Variants in ARHGEF17 observed in about 807,000 individuals in gnomAD.
ARHGEF17 encodes the protein 164 kDa Rho-specific guanine-nucleotide exchange factor.
In ARHGEF17, 80 loss-of-function variants were observed where a neutral mutation model predicts 174.0. That is an observed-to-expected ratio of 0.46 (90% CI 0.38 to 0.55). ARHGEF17 has a LOEUF of 0.55. Ranked by LOEUF, ARHGEF17 falls within the 20% of genes least tolerant of loss-of-function variation. The probability of loss-of-function intolerance (pLI) is 0.00; values close to 1 mark genes in which losing one functional copy is unlikely to be tolerated. For missense variants in ARHGEF17, 2,886 were observed against 2,839.7 expected (o/e 1.02, Z -0.37); for synonymous variants, 1,311 against 1,189.1 (o/e 1.10, Z -2.11).
At position 73,365,599 on chromosome 11, in the gene ARHGEF17, G is replaced by A; in HGVS notation, c.5725+35G>A. On this transcript the variant is annotated intron_variant, in intron 19 of 20. Transcript: ENST00000263674. The surrounding 1 kb of genome is among the most constrained non-coding windows in gnomAD (Gnocchi z 4.9). ...TCAAACTACCACAGCACCCTCCTTG[G>A]AGCCTTTCTGCCCGATCGTAGAGGC... The A allele has an allele frequency of 6.2e-7, 1 of 1,610,980 alleles. No homozygotes were observed. Among genetic ancestry groups the A allele is most frequent in the Non-Finnish European group, 8.5e-7 (1 of 1,177,438 alleles).
chr11:73,351,690 T>C (rs1865557076), intron 2 of ARHGEF17, among the ~76,000 whole-genome samples: 1 of 152,110 alleles, frequency 6.6e-6, no homozygotes, highest in Non-Finnish European at 1.5e-5. Flanking sequence ...CAAGCAATTC[T>C]TCTGTCTCAG....
chr11:73,319,349 A>G (rs1864978482), intron 1 of ARHGEF17, among the ~76,000 whole-genome samples: 1 of 152,108 alleles, frequency 6.6e-6, no homozygotes, highest in Middle Eastern at 3.2e-3. Flanking sequence ...GGCGTGAGCC[A>G]CTGCGCCCGG....
chr11:73,317,690 T>G (rs886802385), intron 1 of ARHGEF17, among the ~76,000 whole-genome samples: 4 of 152,064 alleles, frequency 2.6e-5, no homozygotes, highest in Non-Finnish European at 4.4e-5. Context: ...CCCATGGGAG[T>G]TGATTCCCCC....
intron 1 of ARHGEF17, among the ~76,000 whole-genome samples, chr11:73,328,477 G>A (rs1312063714): frequency 2.0e-5 from 3 of 152,332 alleles, no homozygotes; most frequent in East Asian, 3.9e-4. Flanking sequence ...CTCCAGGCTG[G>A]GGACTCACTT....
chr11:73,368,679 C>G lies in ARHGEF17; in HGVS notation c.*899C>G, dbSNP rs1865882559. On this transcript the variant is annotated 3_prime_UTR_variant, in exon 21 of 21. Coordinates refer to ENST00000263674, the MANE Select transcript of ARHGEF17 (RefSeq NM_014786.4). ...GCCCTGCTTCCCTGTGTCTCATGCA[C>G]TGGCACATATGGTCACCTTGGAGGG... 6.6e-6 allele frequency: 1 copy of G among 152,604 alleles called. No individual in the cohort carries two copies. Among genetic ancestry groups the G allele is most frequent in the Admixed American group, 6.5e-5 (1 of 15,286 alleles). 9.5% of individuals were successfully genotyped at this position (152,604 alleles called of 1,614,324 possible).
chr11:73,364,373 T>G, intron 17 of ARHGEF17, 79 bp from the exon 18 acceptor site: 1 of 1,607,046 alleles, frequency 6.2e-7, no homozygotes, highest in East Asian at 2.2e-5. Context: ...AAGGGGAATG[T>G]TAACATCTCA....
At chr11:73,315,246 C>G (rs945022659) in intron 1 of ARHGEF17, among the ~76,000 whole-genome samples, 6 of 152,324 alleles carry the variant, frequency 3.9e-5, no homozygotes, top group South Asian at 4.1e-4. Flanking sequence ...TGAACACTTT[C>G]ATAGTGGTTA....
chr11:73,339,880 G>A (rs368642025), intron 1 of ARHGEF17, among the ~76,000 whole-genome samples: 31 of 152,144 alleles, frequency 2.0e-4, no homozygotes, highest in African/African-American at 7.0e-4. Context: ...ATGGTTGGGT[G>A]TGGGGTATGG....
At chr11:73,364,916 A>G (rs1591765018) in intron 18 of ARHGEF17, 1 of 353,718 alleles carries the variant, frequency 2.8e-6, no homozygotes, top group East Asian at 5.7e-5. Context: ...ATCCATTAGC[A>G]TTAGACTCTG....
rs1425501685 is a variant in ARHGEF17 at position 73,355,515 on chromosome 11, C to T, written c.3454-18C>T. The T allele has an allele frequency of 1.3e-6, 2 of 1,594,294 alleles. No homozygotes were observed. The highest frequency in any genetic ancestry group is 4.5e-5 in the East Asian group (2 of 44,780). ...GAGGGACACCTTGAGGGTCCCCAACCTGCCTCCTCCTCCACAGTTCTCCAA... is the reference window on the plus strand; with the variant it reads ...GAGGGACACCTTGAGGGTCCCCAACTTGCCTCCTCCTCCACAGTTCTCCAA... On this transcript the variant is annotated intron_variant, in intron 3 of 20. Transcript: ENST00000263674.
At chr11:73,318,836 CA>C (rs1170024326) in intron 1 of ARHGEF17, among the ~76,000 whole-genome samples, 1 of 152,194 alleles carries the variant, frequency 6.6e-6, no homozygotes, top group African/African-American at 2.4e-5. Context: ...TGGTTGAAAA[CA>C]ACACAGATCT....
At chr11:73,320,570 C>T (rs567885190) in intron 1 of ARHGEF17, among the ~76,000 whole-genome samples, 2 of 143,572 alleles carry the variant, frequency 1.4e-5, no homozygotes, top group East Asian at 4.1e-4. Context: ...TGCAGTGAGC[C>T]GAGATTGCAC....
At chr11:73,339,777 G>A (rs7942498) in intron 1 of ARHGEF17, among the ~76,000 whole-genome samples, 3,019 of 152,274 alleles carry the variant, frequency 0.02, 50 homozygotes, top group Middle Eastern at 0.031. Flanking sequence ...TGGTACTCTT[G>A]TAGAGCAGAG....
chr11:73,311,192 G>A lies in ARHGEF17; in HGVS notation c.2554G>A (p.Glu852Lys). Residue 852 changes from glutamate to lysine, a missense_variant, in exon 1 of 21, where the codon GAA becomes AAA. By Grantham distance (56) the Glu-to-Lys change is moderately conservative. This residue lies in a region of ARHGEF17 where 1,728 missense variants were observed against 1,461.2 expected (regional missense o/e 1.18). Coordinates refer to ENST00000263674, the MANE Select transcript of ARHGEF17 (RefSeq NM_014786.4). ...GGGCCCTGGAGGGGAGCCCATCCGA[G>A]AAGTTGAGCCCATGCTGCCTCCATC... ...FEGPGGEPIR[E>K]VEPMLPPSSS... 1 of 1,597,738 alleles carries A rather than the reference G, an allele frequency of 6.3e-7. No homozygotes were observed. The highest frequency in any genetic ancestry group is 2.2e-5 in the East Asian group (1 of 44,568).
At chr11:73,352,477 GGTAC>G (rs1301478811) in intron 2 of ARHGEF17, among the ~76,000 whole-genome samples, 2 of 152,162 alleles carry the variant, frequency 1.3e-5, no homozygotes, top group Admixed American at 1.3e-4. Context: ...AACAGTGCCT[GGTAC>G]GTAGTAAGTG....
intron 2 of ARHGEF17, among the ~76,000 whole-genome samples, chr11:73,347,660 G>A (rs1338407199): frequency 1.3e-5 from 2 of 152,228 alleles, no homozygotes; most frequent in Non-Finnish European, 2.9e-5. Flanking sequence ...CCACGCTGTG[G>A]GGGCCTAGAA....
chr11:73,339,772 C>G (rs1019436288), intron 1 of ARHGEF17, among the ~76,000 whole-genome samples: 2 of 152,188 alleles, frequency 1.3e-5, no homozygotes, highest in African/African-American at 4.8e-5. Flanking sequence ...TGGGGTGGTA[C>G]TCTTGTAGAG....
intron 1 of ARHGEF17, 41 bp from the exon 2 acceptor site, chr11:73,346,842 G>A: frequency 2.1e-6 from 3 of 1,406,648 alleles, no homozygotes; most frequent in Admixed American, 3.1e-5. Context: ...GGGTCTGGGG[G>A]GAAAAAGACC....
rs745492991 is a variant in ARHGEF17 at position 73,363,405 on chromosome 11, C to T, written c.5196C>T (p.Val1732=). The T allele has an allele frequency of 2.4e-5, 39 of 1,613,216 alleles. No individual in the cohort carries two copies. The highest frequency in any genetic ancestry group is 8.9e-5 in the East Asian group (4 of 44,888). Residue 1732 remains valine, a synonymous_variant, in exon 15 of 21, where the codon GTC becomes GTT. Transcript: ENST00000263674. ...GCAGCCTTGAGGACCTGCTGAGTGT[C>T]GACCCTGAGGCCTACCAGAGCTCCG... ...TRGSLEDLLS[V]DPEAYQSSVW...
Sources: allele counts gnomAD v4.1 joint callset (sites outside exome capture counted in the v4.1 genomes callset), GRCh38; gene constraint gnomAD v4.1.1; regional missense constraint gnomAD v4.1.1; non-coding constraint Gnocchi (gnomAD v3.1); transcripts MANE v1.5; gene names NCBI Gene and HGNC (gene_info 2026-07-23, HGNC 2026-07-21).